The following USH2A variants were observed in gnomAD, a reference collection of about 807,000 sequenced individuals.
USH2A encodes the protein usherin.
USH2A carries 443 observed loss-of-function variants against 538.9 expected under a neutral mutation model. The observed-to-expected ratio is 0.82, with a 90% confidence interval of 0.76 to 0.89. USH2A has a LOEUF of 0.89. Among genes scored for constraint, USH2A ranks in the 40% least tolerant of loss-of-function variants. The pLI is 0.00. For synonymous variants in USH2A, 2,413 were observed against 2,273.5 expected (o/e 1.06, Z -1.75); for missense variants, 6,633 against 6,324.8 (o/e 1.05, Z -1.65).
chr1:215,844,266 C>T (rs780988111), intron 46 of USH2A, 28 bp downstream of exon 46: 1 of 1,607,922 alleles, frequency 6.2e-7, no homozygotes, highest in South Asian at 1.1e-5. Flanking sequence ...TATCCATAAG[C>T]CTAACCATCA....
Position 215,794,858 on chromosome 1 carries a change from A to C in USH2A, c.9958+4049T>G, listed in dbSNP as rs181678467. ...TGGATGGAGTTCAAGGGTGGATAAA[A>C]TTACAGGCAAATTTTTGTGTATATT... On this transcript the variant is annotated intron_variant, in intron 50 of 71. Coordinates refer to ENST00000307340, the MANE Select transcript of USH2A (RefSeq NM_206933.4). Among the ~76,000 whole-genome samples, 415 of 152,340 alleles carry C rather than the reference A, an allele frequency of 2.7e-3. 1 individual carries two copies. Among genetic ancestry groups the C allele is most frequent in the Non-Finnish European group, 4.3e-3 (295 of 68,028 alleles).
At chr1:216,298,096 T>A (rs1374625523) in intron 9 of USH2A, among the ~76,000 whole-genome samples, 1 of 152,232 alleles carries the variant, frequency 6.6e-6, no homozygotes, top group Admixed American at 6.5e-5. Flanking sequence ...TATTTTTCTC[T>A]TGACTTCAAA....
chr1:216,392,659 T>G (rs1320423007), intron 3 of USH2A, among the ~76,000 whole-genome samples: 1 of 152,042 alleles, frequency 6.6e-6, no homozygotes, highest in Non-Finnish European at 1.5e-5. Flanking sequence ...ACAATGCTGT[T>G]TTTTTAAAAA....
intron 13 of USH2A, among the ~76,000 whole-genome samples, chr1:216,242,448 G>A (rs563296931): frequency 1.6e-3 from 240 of 151,880 alleles, no homozygotes; most frequent in South Asian, 2.5e-3. Flanking sequence ...TTTAATTGAC[G>A]ATACTGAGAA....
chr1:215,662,098 A>G (rs1001361967), intron 64 of USH2A, among the ~76,000 whole-genome samples: 14 of 152,236 alleles, frequency 9.2e-5, no homozygotes, highest in Admixed American at 3.3e-4. Flanking sequence ...TAATAAGGAC[A>G]GTTTATTAAA....
intron 55 of USH2A, among the ~76,000 whole-genome samples, chr1:215,775,029 T>C (rs1395108455): frequency 6.6e-6 from 1 of 152,146 alleles, no homozygotes; most frequent in African/African-American, 2.4e-5. Context: ...GGTCAGTAAT[T>C]ACATAGTAAC....
At chr1:216,315,837 G>A (rs1486173178) in intron 9 of USH2A, among the ~76,000 whole-genome samples, 1 of 152,044 alleles carries the variant, frequency 6.6e-6, no homozygotes, top group Non-Finnish European at 1.5e-5. Flanking sequence ...GATATATAAT[G>A]ATTCATGCAA....
At chr1:215,848,098 C>T (rs1372934204) in intron 44 of USH2A, among the ~76,000 whole-genome samples, 1 of 152,102 alleles carries the variant, frequency 6.6e-6, no homozygotes, top group Non-Finnish European at 1.5e-5. Flanking sequence ...CTATTAAAAT[C>T]CCTTAACATT....
chr1:215,706,755 C>A (rs1659194899), intron 61 of USH2A, among the ~76,000 whole-genome samples: 1 of 152,184 alleles, frequency 6.6e-6, no homozygotes, highest in African/African-American at 2.4e-5. Context: ...ATTAAGTCAA[C>A]CAGCTTAGTG....
At chr1:216,333,383 T>G (rs570839231) in intron 4 of USH2A, among the ~76,000 whole-genome samples, 27 of 151,996 alleles carry the variant, frequency 1.8e-4, no homozygotes, top group Non-Finnish European at 3.4e-4. Context: ...TTAATGAACT[T>G]GAATACAGGT....
intron 3 of USH2A, among the ~76,000 whole-genome samples, chr1:216,407,587 G>A (rs1488038237): frequency 1.3e-5 from 2 of 152,062 alleles, no homozygotes; most frequent in Non-Finnish European, 2.9e-5. Flanking sequence ...TCAAGTCCAT[G>A]TTTAAATAAA....
chr1:215,877,635 A>C (rs1041839845), intron 43 of USH2A, 123 bp downstream of exon 43: 8 of 1,457,896 alleles, frequency 5.5e-6, no homozygotes, highest in Non-Finnish European at 7.6e-6. Context: ...GATAATAACC[A>C]AACATGTTTT....
intron 21 of USH2A, among the ~76,000 whole-genome samples, chr1:216,155,565 C>A (rs2033921206): frequency 6.6e-6 from 1 of 152,146 alleles, no homozygotes; most frequent in African/African-American, 2.4e-5. Context: ...TTCAACTTAT[C>A]AGCAGCACCC....
chr1:215,859,669 C>T (rs1022504443), intron 44 of USH2A, among the ~76,000 whole-genome samples: 5 of 152,090 alleles, frequency 3.3e-5, no homozygotes, highest in African/African-American at 1.2e-4. Flanking sequence ...AGTCCTGGAA[C>T]CAATCGCCTG....
chr1:215,796,193 A>T (rs1312534386), intron 50 of USH2A, among the ~76,000 whole-genome samples: 1 of 152,142 alleles, frequency 6.6e-6, no homozygotes. Context: ...TTAAAAAGGC[A>T]TATAGTAGTT....
Position 216,315,675 on chromosome 1 carries a change from T to C in USH2A, c.1644+6208A>G, listed in dbSNP as rs531612321. The stretch of plus-strand genomic sequence containing the variant: ...GTTACCATGGGACAAATTGGTAGAG[T>C]ACACAAATTGTCTTTATATTATTTT... On this transcript the variant is annotated intron_variant, in intron 9 of 71. Coordinates refer to ENST00000307340, the MANE Select transcript of USH2A (RefSeq NM_206933.4). 3.9e-3 allele frequency among the ~76,000 whole-genome samples: 593 copies of C among 152,260 alleles called. 6 individuals are homozygous for C. Among genetic ancestry groups the C allele is most frequent in the Middle Eastern group, 0.027 (8 of 294 alleles).
At chr1:216,086,957 C>A in intron 23 of USH2A, 137 bp from the exon 24 acceptor site, 2 of 681,302 alleles carry the variant, frequency 2.9e-6, no homozygotes, top group South Asian at 3.1e-5. Flanking sequence ...CTGTTCATTA[C>A]TTTTCTTCAC....
At chr1:216,033,795 C>A (rs1377764595) in intron 32 of USH2A, among the ~76,000 whole-genome samples, 1 of 152,122 alleles carries the variant, frequency 6.6e-6, no homozygotes, top group Non-Finnish European at 1.5e-5. Context: ...GTGAATGCGC[C>A]ACTGCACTCC....
At chr1:216,274,841 C>T (rs2036641179) in intron 11 of USH2A, among the ~76,000 whole-genome samples, 1 of 152,066 alleles carries the variant, frequency 6.6e-6, no homozygotes, top group Non-Finnish European at 1.5e-5. Context: ...TTTTATAGCT[C>T]CTCTTCCCCT....
Sources: allele counts gnomAD v4.1 joint callset (sites outside exome capture counted in the v4.1 genomes callset), GRCh38; gene constraint gnomAD v4.1.1; transcripts MANE v1.5; gene names NCBI Gene and HGNC (gene_info 2026-07-23, HGNC 2026-07-21).